SCLT1: variants seen among roughly 807,000 people sequenced by gnomAD.
SCLT1 encodes sodium channel-associated protein 1.
A neutral mutation model predicts 112.8 loss-of-function variants in SCLT1; 78 were observed. The ratio of observed to expected loss-of-function variants is 0.69; its 90% CI spans 0.58 to 0.83. The LOEUF (loss-of-function observed/expected upper bound fraction) is 0.83. SCLT1 is among the 40% of genes least tolerant of loss of function. SCLT1 has a pLI of 0.00. For missense variants in SCLT1, 747 were observed against 770.4 expected, an observed-to-expected ratio of 0.97 and a Z score of 0.36; for synonymous variants, 257 against 254.7, an observed-to-expected ratio of 1.01 and a Z score of -0.09.
At chr4:128,925,683 T>C (rs558314856) in intron 18 of SCLT1, among the ~76,000 whole-genome samples, 121 of 152,156 alleles carry the variant, frequency 8.0e-4, no homozygotes, top group Non-Finnish European at 1.5e-3. Context: ...TACAGTTGTA[T>C]GTATTTTATA....
intron 6 of SCLT1, among the ~76,000 whole-genome samples, chr4:129,000,883 T>C (rs1743417089): frequency 1.3e-5 from 2 of 151,896 alleles, no homozygotes; most frequent in Admixed American, 1.3e-4. Flanking sequence ...CCAGTTACTA[T>C]ACTCTTCTCC....
At chr4:128,982,353 CTTA>C (rs1310679992) in intron 9 of SCLT1, among the ~76,000 whole-genome samples, 1 of 152,152 alleles carries the variant, frequency 6.6e-6, no homozygotes, top group Non-Finnish European at 1.5e-5. Flanking sequence ...TATACATAAA[CTTA>C]TTATAAAGAC....
At chr4:129,051,927 TA>T (rs1748836363) in intron 2 of SCLT1, among the ~76,000 whole-genome samples, 1 of 152,220 alleles carries the variant, frequency 6.6e-6, no homozygotes, top group Non-Finnish European at 1.5e-5. Flanking sequence ...TGAGAGTTTT[TA>T]GCATGGAGGC....
intron 1 of SCLT1, among the ~76,000 whole-genome samples, chr4:129,084,197 G>A (rs1175115758): frequency 6.6e-6 from 1 of 152,014 alleles, no homozygotes; most frequent in Non-Finnish European, 1.5e-5. Flanking sequence ...ATGCAGTAAA[G>A]CAAGTAAAAG....
In SCLT1 at chr4:129,003,699, T is replaced by C. The variant is rs1743734699; in HGVS notation, c.426+42A>G. 3 of 1,444,896 alleles carry C rather than the reference T, an allele frequency of 2.1e-6. No individual in the cohort carries two copies. In the East Asian group the frequency reaches 7.0e-5, roughly 34 times the overall value. 89.5% of individuals were successfully genotyped at this position (1,444,896 alleles called of 1,614,324 possible). A position where few individuals can be genotyped will look rare whatever the true frequency, so the allele number is the denominator to read the frequency against. On this transcript the variant is annotated intron_variant, in intron 6 of 20. Transcript: ENST00000281142. ...ATTAACATGAATTTTTAAAAAGGTA[T>C]GTTAATTCAGAATATAATTTTTAAA...
chr4:129,079,306 C>A (rs1290039993), intron 2 of SCLT1, among the ~76,000 whole-genome samples: 1 of 152,192 alleles, frequency 6.6e-6, no homozygotes, highest in Non-Finnish European at 1.5e-5. Flanking sequence ...CAAGACAAGA[C>A]CCTTCTGCCT....
chr4:129,042,094 T>C (rs1747748696), intron 4 of SCLT1, among the ~76,000 whole-genome samples: 1 of 152,144 alleles, frequency 6.6e-6, no homozygotes, highest in Admixed American at 6.6e-5. Flanking sequence ...TTTGCATTAA[T>C]GAAAGCCAAC....
At chr4:128,978,534 G>GA (rs1257032154) in intron 9 of SCLT1, among the ~76,000 whole-genome samples, 2 of 151,956 alleles carry the variant, frequency 1.3e-5, no homozygotes, top group South Asian at 4.1e-4. Flanking sequence ...AAGAAAGGTA[G>GA]AAAAAATCAT....
intron 9 of SCLT1, among the ~76,000 whole-genome samples, chr4:128,972,856 T>C (rs1202320444): frequency 6.6e-6 from 1 of 152,144 alleles, no homozygotes; most frequent in Non-Finnish European, 1.5e-5. Flanking sequence ...AAACTCCTAT[T>C]TAACAATGAT....
At chr4:128,895,836 C>T (rs1328279154) in intron 18 of SCLT1, among the ~76,000 whole-genome samples, 2 of 152,232 alleles carry the variant, frequency 1.3e-5, no homozygotes, top group Non-Finnish European at 2.9e-5. Flanking sequence ...TCACTCCCAC[C>T]CTTAATACTG....
At chr4:129,053,086 T>G (rs1255663165) in intron 2 of SCLT1, among the ~76,000 whole-genome samples, 3 of 152,238 alleles carry the variant, frequency 2.0e-5, no homozygotes, top group African/African-American at 7.2e-5. Flanking sequence ...CACTGTGTTC[T>G]GAGAGACTGT....
chr4:128,884,800 C>G (rs1242083873), intron 20 of SCLT1, among the ~76,000 whole-genome samples: 6 of 152,068 alleles, frequency 3.9e-5, no homozygotes, highest in African/African-American at 7.2e-5. Context: ...AGCCACTACA[C>G]CTGGTTAATT....
intron 2 of SCLT1, among the ~76,000 whole-genome samples, chr4:129,075,735 G>A (rs948635424): frequency 5.9e-5 from 9 of 152,082 alleles, no homozygotes; most frequent in Non-Finnish European, 8.8e-5. Flanking sequence ...GGACAGTGCC[G>A]GTCTAGAAAG....
At chr4:129,061,885 T>C (rs1314863314) in intron 2 of SCLT1, among the ~76,000 whole-genome samples, 1 of 152,190 alleles carries the variant, frequency 6.6e-6, no homozygotes, top group Non-Finnish European at 1.5e-5. Context: ...ACTAGTTGCA[T>C]AAGCCTCAGG....
At chr4:128,881,844 C>T (rs1416531674), downstream of SCLT1, among the ~76,000 whole-genome samples, 1 of 152,166 alleles carries the variant, frequency 6.6e-6, no homozygotes, top group Non-Finnish European at 1.5e-5. Context: ...AAGTTTAGTT[C>T]TGTTGCTAAA....
chr4:128,942,215 G>A (rs567327910), intron 17 of SCLT1, among the ~76,000 whole-genome samples: 4 of 152,098 alleles, frequency 2.6e-5, no homozygotes, highest in African/African-American at 7.2e-5. Flanking sequence ...GCAATAGGAG[G>A]CATTCAATAA....
At chr4:129,082,483 C>G (rs1752030609) in intron 1 of SCLT1, 110 bp from the exon 2 acceptor site, 5 of 511,086 alleles carry the variant, frequency 9.8e-6, no homozygotes, top group Non-Finnish European at 1.7e-5. Context: ...CTAGTCTTCA[C>G]TGCTTCTCAA....
chr4:129,007,579 C>T (rs1285915139), intron 5 of SCLT1, among the ~76,000 whole-genome samples: 1 of 152,088 alleles, frequency 6.6e-6, no homozygotes, highest in Non-Finnish European at 1.5e-5. Context: ...CCATGGTATA[C>T]ATATTTTCTA....
At chr4:128,887,582 C>T (rs1274486382) in intron 20 of SCLT1, among the ~76,000 whole-genome samples, 2 of 151,972 alleles carry the variant, frequency 1.3e-5, no homozygotes, top group Non-Finnish European at 2.9e-5. Flanking sequence ...TCTCGCCTCC[C>T]CTATCTATCT....
Sources: gnomAD v4.1 joint callset for allele counts (sites outside exome capture counted in the v4.1 genomes callset) on GRCh38, gnomAD v4.1.1 for gene constraint, MANE v1.5 for transcripts, NCBI Gene and HGNC (gene_info 2026-07-23, HGNC 2026-07-21) for gene names.